The following ADAMTS6 variants were observed in gnomAD, a reference collection of about 807,000 sequenced individuals.
ADAMTS6 encodes ADAM metallopeptidase with thrombospondin type 1 motif 6.
A neutral mutation model predicts 144.3 loss-of-function variants in ADAMTS6; 23 were observed. That is an observed-to-expected ratio of 0.16 (90% confidence interval 0.11 to 0.23). ADAMTS6 has a LOEUF of 0.23. Among genes scored for constraint, ADAMTS6 ranks in the 10% least tolerant of loss-of-function variants. The pLI is 1.00. For synonymous variants in ADAMTS6, 444 were observed against 457.5 expected, an observed-to-expected ratio of 0.97 and a Z score of 0.38; for missense variants, 999 against 1,379.6, an observed-to-expected ratio of 0.72 and a Z score of 4.37.
At chr5:65,437,682 T>C (rs1272550557) in intron 7 of ADAMTS6, among the ~76,000 whole-genome samples, 1 of 152,256 alleles carries the variant, frequency 6.6e-6, no homozygotes, top group Non-Finnish European at 1.5e-5. Flanking sequence ...GAGTATAGTA[T>C]TTGCATGTGA....
chr5:65,320,799 T>C (rs1021251013), intron 9 of ADAMTS6, among the ~76,000 whole-genome samples: 5 of 152,132 alleles, frequency 3.3e-5, no homozygotes, highest in Admixed American at 6.5e-5. Flanking sequence ...GAACATGTAG[T>C]ATTTGGTTTT....
chr5:65,157,644 A>G (rs1752511546), intron 24 of ADAMTS6, among the ~76,000 whole-genome samples: 1 of 152,224 alleles, frequency 6.6e-6, no homozygotes. Flanking sequence ...TTTGGATTTA[A>G]AAAGTACAAA....
At chr5:65,236,793 A>G (rs1442557858) in intron 15 of ADAMTS6, among the ~76,000 whole-genome samples, 2 of 152,164 alleles carry the variant, frequency 1.3e-5, no homozygotes, top group African/African-American at 2.4e-5. Context: ...CTGAAAATAG[A>G]TAAGAAAATA....
At chr5:65,208,608 A>T (rs2112291995) in intron 20 of ADAMTS6, among the ~76,000 whole-genome samples, 1 of 152,342 alleles carries the variant, frequency 6.6e-6, no homozygotes, top group Non-Finnish European at 1.5e-5. Flanking sequence ...TGATTTCAGC[A>T]AATTACTTGA....
chr5:65,274,710 A>G (rs1434885212), intron 11 of ADAMTS6, among the ~76,000 whole-genome samples: 1 of 76,340 alleles, frequency 1.3e-5, no homozygotes. Context: ...TCTGAGACAG[A>G]GTCTCACTGT....
intron 7 of ADAMTS6, among the ~76,000 whole-genome samples, chr5:65,422,375 T>C (rs947665426): frequency 6.6e-6 from 1 of 152,242 alleles, no homozygotes; most frequent in African/African-American, 2.4e-5. Context: ...CTCACGCCTG[T>C]AATCCCAGCA....
chr5:65,223,783 T>C (rs1288677409), intron 18 of ADAMTS6, among the ~76,000 whole-genome samples: 1 of 151,750 alleles, frequency 6.6e-6, no homozygotes, highest in Non-Finnish European at 1.5e-5. Flanking sequence ...TGAGTGTAGA[T>C]ATCTCTTTGA....
Position 65,275,719 on chromosome 5 carries a change from GT to G in ADAMTS6, c.1513-2273del, listed in dbSNP as rs200060163. Among the ~76,000 whole-genome samples the G allele has an allele frequency of 5.0e-3, 755 of 151,708 alleles. 2 individuals are homozygous for G. Among genetic ancestry groups the G allele is most frequent in the African/African-American group, 0.018 (726 of 41,470 alleles). ...TAAAAATAAAATAAATAAAAAGATG[GT>G]TTTTTAGTTTATATTCCTTAATATA... On this transcript the variant is annotated intron_variant, in intron 11 of 24. Coordinates refer to ENST00000381055, the MANE Select transcript of ADAMTS6 (RefSeq NM_197941.4).
intron 9 of ADAMTS6, among the ~76,000 whole-genome samples, chr5:65,309,178 T>C (rs1744236255): frequency 6.6e-6 from 1 of 152,076 alleles, no homozygotes; most frequent in African/African-American, 2.4e-5. Flanking sequence ...GTGCACTTTA[T>C]TTCTATTATT....
chr5:65,425,763 GCTT>G (rs995383987), intron 7 of ADAMTS6, among the ~76,000 whole-genome samples: 10 of 151,436 alleles, frequency 6.6e-5, no homozygotes, highest in South Asian at 4.2e-4. Context: ...AAGTAGTGCT[GCTT>G]CTTTTTTTTT....
At chr5:65,177,858 AGGC>A (rs1240056150) in intron 22 of ADAMTS6, among the ~76,000 whole-genome samples, 1 of 152,184 alleles carries the variant, frequency 6.6e-6, no homozygotes, top group Admixed American at 6.5e-5. Flanking sequence ...CCAGTCGACC[AGGC>A]GTGGGCTGCA....
chr5:65,319,247 G>A (rs1388426295), intron 9 of ADAMTS6, among the ~76,000 whole-genome samples: 3 of 152,078 alleles, frequency 2.0e-5, no homozygotes, highest in Admixed American at 2.0e-4. Context: ...TAGCTGTTAA[G>A]TGCTAATTTT....
In ADAMTS6 at chr5:65,407,654, C is replaced by T. The variant is rs1235823013; in HGVS notation, c.1073+43821G>A. 2.6e-5 allele frequency among the ~76,000 whole-genome samples: 4 copies of T among 151,924 alleles called. No individual in the cohort carries two copies. In the East Asian group the frequency reaches 7.7e-4, roughly 29 times the overall value. Reference sequence around the variant, plus strand: ...GTTTCCAGCTTCATCCATGTCCCTACAAAGGACATGAACTCATCATTTTTT... The same window carrying T: ...GTTTCCAGCTTCATCCATGTCCCTATAAAGGACATGAACTCATCATTTTTT... On this transcript the variant is annotated intron_variant, in intron 7 of 24. Coordinates refer to ENST00000381055, the MANE Select transcript of ADAMTS6 (RefSeq NM_197941.4).
At chr5:65,236,232 C>T (rs1048992511) in intron 15 of ADAMTS6, among the ~76,000 whole-genome samples, 4 of 152,130 alleles carry the variant, frequency 2.6e-5, no homozygotes, top group Admixed American at 2.6e-4. Context: ...CACTATGTAG[C>T]CAATAACTGC....
intron 11 of ADAMTS6, among the ~76,000 whole-genome samples, chr5:65,275,811 T>C (rs577981134): frequency 2.6e-5 from 4 of 152,142 alleles, no homozygotes; most frequent in South Asian, 2.1e-4. Context: ...TATTGCTCCA[T>C]GTATCAAAAA....
chr5:65,435,032 C>T (rs1208038381), intron 7 of ADAMTS6, among the ~76,000 whole-genome samples: 2 of 152,022 alleles, frequency 1.3e-5, no homozygotes, highest in Non-Finnish European at 2.9e-5. Flanking sequence ...TATACAGCAA[C>T]TAAATAGACC....
intron 3 of ADAMTS6, among the ~76,000 whole-genome samples, chr5:65,468,080 G>T (rs1760162256): frequency 6.6e-6 from 1 of 152,056 alleles, no homozygotes; most frequent in African/African-American, 2.4e-5. Flanking sequence ...ACCTGAGTAA[G>T]AAACCATGGT....
intron 15 of ADAMTS6, among the ~76,000 whole-genome samples, chr5:65,233,533 A>T (rs1758423517): frequency 6.6e-6 from 1 of 152,148 alleles, no homozygotes; most frequent in African/African-American, 2.4e-5. Flanking sequence ...ATTTCTATAC[A>T]CTAACAATTA....
At chr5:65,441,955 TAACACTA>T (rs1178532067) in intron 7 of ADAMTS6, among the ~76,000 whole-genome samples, 1 of 151,826 alleles carries the variant, frequency 6.6e-6, no homozygotes, top group African/African-American at 2.4e-5. Flanking sequence ...GGGAATTTTC[TAACACTA>T]AACACTTATA....
Sources: allele counts gnomAD v4.1 joint callset (sites outside exome capture counted in the v4.1 genomes callset), GRCh38; gene constraint gnomAD v4.1.1; transcripts MANE v1.5; gene names NCBI Gene and HGNC (gene_info 2026-07-23, HGNC 2026-07-21).